Variants in MRTFB observed in about 807,000 individuals in gnomAD.
The protein encoded by MRTFB is myocardin-related transcription factor B.
MRTFB carries 29 observed loss-of-function variants against 104.2 expected under a neutral mutation model. That is an observed-to-expected ratio of 0.28 (90% CI 0.21 to 0.38). MRTFB has a LOEUF of 0.38. Ranked by LOEUF, MRTFB falls within the 10% of genes least tolerant of loss-of-function variation. MRTFB has a pLI of 1.00. For synonymous variants in MRTFB, 535 were observed against 519.5 expected, an observed-to-expected ratio of 1.03 and a Z score of -0.41; for missense variants, 1,270 against 1,341.6, an observed-to-expected ratio of 0.95 and a Z score of 0.83.
chr16:14,190,305 C>G (rs1425035570), intron 3 of MRTFB, among the ~76,000 whole-genome samples: 1 of 152,184 alleles, frequency 6.6e-6, no homozygotes, highest in Non-Finnish European at 1.5e-5. Context: ...CTACAAACGG[C>G]TTCAAACATT....
At position 14,177,109 on chromosome 16, in the gene MRTFB, G is replaced by C. The variant is rs916687485; in HGVS notation, c.155-33134G>C. ...CACAGAGTGTATTAGTGAATACCAAGTAGTTCGAATTAGCTGAAGCATAGG... is the reference window on the plus strand; with the variant it reads ...CACAGAGTGTATTAGTGAATACCAACTAGTTCGAATTAGCTGAAGCATAGG... On this transcript the variant is annotated intron_variant, in intron 3 of 16. Coordinates refer to ENST00000571589, the MANE Select transcript of MRTFB (RefSeq NM_001308142.2). This position sits in a 1 kb window ranked among gnomAD's most constrained non-coding sequence, Gnocchi z 4.7. 6.6e-6 allele frequency among the ~76,000 whole-genome samples: 1 copy of C among 152,332 alleles called. No individual in the cohort carries two copies. The highest frequency in any genetic ancestry group is 1.9e-4 in the East Asian group (1 of 5,188).
At chr16:14,162,287 T>A (rs1042667279) in intron 3 of MRTFB, among the ~76,000 whole-genome samples, 3 of 152,062 alleles carry the variant, frequency 2.0e-5, no homozygotes, top group African/African-American at 7.2e-5. Context: ...TGAGCCATCA[T>A]CACATCACTG....
At chr16:14,193,357 T>C (rs920410749) in intron 3 of MRTFB, among the ~76,000 whole-genome samples, 15 of 152,088 alleles carry the variant, frequency 9.9e-5, no homozygotes, top group Non-Finnish European at 2.1e-4. Flanking sequence ...GCCTTGCCTA[T>C]GTTTCCAGAA....
At chr16:14,109,790 A>T (rs1171065110) in intron 2 of MRTFB, among the ~76,000 whole-genome samples, 2 of 152,206 alleles carry the variant, frequency 1.3e-5, no homozygotes, top group Admixed American at 6.5e-5. Context: ...TGTTGCCTGT[A>T]AAGAAATGTA....
At chr16:14,047,131 A>G in the MRTFB span, among the ~76,000 whole-genome samples, 6,287 of 152,340 alleles carry the variant, frequency 0.041, 165 homozygotes, top group Middle Eastern at 0.061. Flanking sequence ...GGAAATTTAC[A>G]TAGGAATCTC....
the MRTFB span, among the ~76,000 whole-genome samples, chr16:14,017,707 ATATATTTTTT>A: frequency 3.7e-4 from 7 of 18,814 alleles, no homozygotes; most frequent in Admixed American, 4.0e-3. Context: ...ATATATATAT[ATATATTTTTT>A]TTTTTTTTTT....
At chr16:14,174,082 A>T (rs972066865) in intron 3 of MRTFB, among the ~76,000 whole-genome samples, 10 of 151,836 alleles carry the variant, frequency 6.6e-5, no homozygotes, top group Non-Finnish European at 1.3e-4. Context: ...TTAATGTATA[A>T]TTTTTTTTGA....
At chr16:14,103,393 T>G (rs954626494) in intron 2 of MRTFB, among the ~76,000 whole-genome samples, 7 of 152,108 alleles carry the variant, frequency 4.6e-5, no homozygotes, top group African/African-American at 1.4e-4. Context: ...TTCTTCCATA[T>G]TTGGAGGGGG....
chr16:14,207,074 G>C (rs1466234987), intron 3 of MRTFB, among the ~76,000 whole-genome samples: 1 of 152,090 alleles, frequency 6.6e-6, no homozygotes, highest in Non-Finnish European at 1.5e-5. Context: ...CTTTCCCATG[G>C]ATTTGTACCC....
the MRTFB span, among the ~76,000 whole-genome samples, chr16:14,017,214 A>G: frequency 3.3e-5 from 5 of 151,000 alleles, no homozygotes; most frequent in East Asian, 2.0e-4. Flanking sequence ...CCGCCACCAC[A>G]CCCGGCTAAT....
At chr16:14,158,728 A>G (rs1244920064) in intron 3 of MRTFB, among the ~76,000 whole-genome samples, 2 of 152,210 alleles carry the variant, frequency 1.3e-5, no homozygotes, top group Non-Finnish European at 2.9e-5. Context: ...TTATTTTAAA[A>G]GTCTGTTGAA....
At chr16:14,239,446 C>T (rs1289143426) in intron 9 of MRTFB, among the ~76,000 whole-genome samples, 1 of 152,168 alleles carries the variant, frequency 6.6e-6, no homozygotes, top group East Asian at 1.9e-4. Context: ...TAATTGAGTA[C>T]TTCTCAAAGT....
chr16:14,221,990 A>G (rs2041743527), intron 8 of MRTFB, among the ~76,000 whole-genome samples: 1 of 152,036 alleles, frequency 6.6e-6, no homozygotes, highest in Admixed American at 6.6e-5. Flanking sequence ...CATGTTGGCC[A>G]TGCTGTCTTG....
At chr16:14,151,968 C>T (rs2038635219) in intron 3 of MRTFB, 1 of 152,080 alleles carries the variant, frequency 6.6e-6, no homozygotes, top group African/African-American at 2.4e-5. Context: ...CCTCTGTCAT[C>T]GAGGACTGAT....
At chr16:14,128,179 A>G (rs540689800) in intron 2 of MRTFB, among the ~76,000 whole-genome samples, 1 of 152,070 alleles carries the variant, frequency 6.6e-6, no homozygotes, top group African/African-American at 2.4e-5. Context: ...AGGCATGGGG[A>G]AAAATGAAGT....
chr16:14,078,961 CCAG>C (rs2034235247), intron 1 of MRTFB, among the ~76,000 whole-genome samples: 1 of 152,054 alleles, frequency 6.6e-6, no homozygotes, highest in Admixed American at 6.6e-5. Context: ...GTTACTTACC[CCAG>C]ATCACACAGG....
intron 3 of MRTFB, among the ~76,000 whole-genome samples, chr16:14,185,330 TC>T (rs772885824): frequency 6.6e-5 from 10 of 152,214 alleles, no homozygotes; most frequent in Non-Finnish European, 1.3e-4. Flanking sequence ...ACAGAATACT[TC>T]ATCCAGACCC....
At chr16:14,210,130 A>T in intron 3 of MRTFB, 113 bp from the exon 4 acceptor site, 1 of 702,934 alleles carries the variant, frequency 1.4e-6, no homozygotes, top group Non-Finnish European at 2.3e-6. Flanking sequence ...CCTTCTTTTT[A>T]ATTGTGAAAT....
intron 3 of MRTFB, among the ~76,000 whole-genome samples, chr16:14,196,964 C>CTTTTTTTTTTT (rs35259229): frequency 1.6e-4 from 17 of 103,178 alleles, no homozygotes; most frequent in African/African-American, 3.4e-4. Flanking sequence ...TCTCTTTTTT[C>CTTTTTTTTTTT]TTTTTTTTTT....
Sources: allele counts gnomAD v4.1 joint callset (sites outside exome capture counted in the v4.1 genomes callset), GRCh38; gene constraint gnomAD v4.1.1; non-coding constraint Gnocchi (gnomAD v3.1); transcripts MANE v1.5; gene names NCBI Gene and HGNC (gene_info 2026-07-23, HGNC 2026-07-21).